Variants in MYO16 observed in about 807,000 individuals in gnomAD.
MYO16 encodes myosin XVI.
Under a neutral mutation model 205.3 loss-of-function variants are expected in MYO16, and 94 were observed. That is an observed-to-expected ratio of 0.46 (90% CI 0.39 to 0.54). The LOEUF (loss-of-function observed/expected upper bound fraction) is 0.54. MYO16 is among the 20% of genes least tolerant of loss of function. The pLI is 0.00. For missense variants in MYO16, 2,315 were observed against 2,387.5 expected (o/e 0.97, Z 0.63); for synonymous variants, 988 against 954.0 (o/e 1.04, Z -0.66).
At chr13:108,795,199 C>CTTT (rs35009028) in intron 6 of MYO16, among the ~76,000 whole-genome samples, 24 of 146,970 alleles carry the variant, frequency 1.6e-4, no homozygotes, top group Admixed American at 6.8e-4. Context: ...TTCTTACTTT[C>CTTT]TTTTTTTTTT....
intron 29 of MYO16, among the ~76,000 whole-genome samples, chr13:109,120,990 A>C (rs774696382): frequency 1.3e-5 from 2 of 152,188 alleles, no homozygotes; most frequent in Non-Finnish European, 2.9e-5. Context: ...TCCAGCCTGC[A>C]GTGAGCCGTG....
At chr13:108,787,803 T>G (rs576760662) in intron 5 of MYO16, among the ~76,000 whole-genome samples, 1 of 152,358 alleles carries the variant, frequency 6.6e-6, no homozygotes, top group African/African-American at 2.4e-5. Context: ...CTGTTTGCCA[T>G]TTGTCACTGC....
the MYO16 span, among the ~76,000 whole-genome samples, chr13:108,570,037 A>G: frequency 2.0e-5 from 3 of 152,022 alleles, no homozygotes; most frequent in Non-Finnish European, 2.9e-5. Context: ...ATATCCTTGT[A>G]TTTTATTGAA....
At chr13:108,972,249 C>CTATATATATATATATATATA (rs1158879237) in intron 20 of MYO16, among the ~76,000 whole-genome samples, 4 of 2,850 alleles carry the variant, frequency 1.4e-3, no homozygotes, top group Non-Finnish European at 2.4e-3. Context: ...CTCTCTCTCT[C>CTATATATATATATATATATA]TATATATATA....
At chr13:108,784,161 T>C (rs1886389515) in intron 4 of MYO16, among the ~76,000 whole-genome samples, 1 of 152,224 alleles carries the variant, frequency 6.6e-6, no homozygotes, top group African/African-American at 2.4e-5. Context: ...CAAAATCTTA[T>C]TCTTGCAGCT....
intron 2 of MYO16, among the ~76,000 whole-genome samples, chr13:108,673,642 T>C (rs1314895706): frequency 1.3e-5 from 2 of 152,168 alleles, no homozygotes; most frequent in Admixed American, 6.6e-5. Context: ...ACCTCTTCTA[T>C]TGATCTCAGA....
chr13:109,177,330 G>A (rs79325476), intron 33 of MYO16, among the ~76,000 whole-genome samples: 17,671 of 152,000 alleles, frequency 0.12, 1,820 homozygotes, highest in East Asian at 0.54. Context: ...ACTTTTCTTC[G>A]TTCTTCCTTG....
At chr13:108,766,456 A>G (rs1246718715) in intron 4 of MYO16, among the ~76,000 whole-genome samples, 1 of 152,214 alleles carries the variant, frequency 6.6e-6, no homozygotes, top group Non-Finnish European at 1.5e-5. Context: ...GGGAAAAGAG[A>G]TAGCAGTTCA....
At chr13:108,979,448 A>G (rs1594442941) in intron 20 of MYO16, among the ~76,000 whole-genome samples, 1 of 152,078 alleles carries the variant, frequency 6.6e-6, no homozygotes, top group Admixed American at 6.5e-5. Flanking sequence ...TGTCAGAAAA[A>G]TAAATTTGAC....
At chr13:109,084,515 A>T (rs1172113479) in intron 27 of MYO16, among the ~76,000 whole-genome samples, 3 of 152,230 alleles carry the variant, frequency 2.0e-5, no homozygotes, top group Non-Finnish European at 4.4e-5. Flanking sequence ...TGTATGCCAT[A>T]CATCACTCGT....
intron 32 of MYO16, among the ~76,000 whole-genome samples, chr13:109,157,756 A>G (rs1473440512): frequency 6.6e-6 from 1 of 152,174 alleles, no homozygotes; most frequent in Non-Finnish European, 1.5e-5. Flanking sequence ...GGCTTTAACA[A>G]GTGAATAAAA....
chr13:108,979,716 C>T (rs1290132866), intron 20 of MYO16, among the ~76,000 whole-genome samples: 1 of 152,056 alleles, frequency 6.6e-6, no homozygotes. Flanking sequence ...TCCTCAAGAG[C>T]TAAAAACCTT....
intron 9 of MYO16, among the ~76,000 whole-genome samples, chr13:108,833,930 T>G (rs146587064): frequency 0.02 from 2,995 of 152,302 alleles, 52 homozygotes; most frequent in South Asian, 0.034. Context: ...ATAGAAAATA[T>G]ACTCTCTCAT....
chr13:108,742,626 T>G (rs1460251756), intron 4 of MYO16, among the ~76,000 whole-genome samples: 3 of 152,206 alleles, frequency 2.0e-5, no homozygotes, highest in African/African-American at 7.2e-5. Flanking sequence ...TTCCAAGGTA[T>G]TTTACTTATT....
the MYO16 span, among the ~76,000 whole-genome samples, chr13:108,501,563 C>A: frequency 6.6e-5 from 10 of 152,180 alleles, no homozygotes; most frequent in African/African-American, 2.4e-4. Flanking sequence ...GATTATTTTC[C>A]CTGTGCTCTT....
intron 16 of MYO16, among the ~76,000 whole-genome samples, chr13:108,938,073 T>C (rs1882569301): frequency 6.6e-6 from 1 of 152,126 alleles, no homozygotes; most frequent in African/African-American, 2.4e-5. Context: ...TATAATGTTG[T>C]TGTTGTTAAT....
intron 20 of MYO16, among the ~76,000 whole-genome samples, chr13:108,983,224 T>C (rs534520124): frequency 6.6e-6 from 1 of 152,312 alleles, no homozygotes; most frequent in East Asian, 1.9e-4. Context: ...ATTGATTTCA[T>C]CTCTCCATTC....
intron 27 of MYO16, among the ~76,000 whole-genome samples, chr13:109,086,705 A>G (rs1204872799): frequency 6.6e-6 from 1 of 152,170 alleles, no homozygotes; most frequent in African/African-American, 2.4e-5. Flanking sequence ...TGGTGCACAA[A>G]TTATTTTCCC....
At chr13:108,507,364 A>T in the MYO16 span, among the ~76,000 whole-genome samples, 2 of 151,628 alleles carry the variant, frequency 1.3e-5, no homozygotes, top group Non-Finnish European at 2.9e-5. Flanking sequence ...TTTCTTCCTC[A>T]TTTTTGAAGG....
Sources: gnomAD v4.1 joint callset for allele counts (sites outside exome capture counted in the v4.1 genomes callset) on GRCh38, gnomAD v4.1.1 for gene constraint, MANE v1.5 for transcripts, NCBI Gene and HGNC (gene_info 2026-07-23, HGNC 2026-07-21) for gene names.